Variants in ZBTB49 observed in about 807,000 individuals in gnomAD.
ZBTB49 encodes the protein zinc finger and BTB domain containing 49, also known as zinc finger and BTB domain-containing protein 49.
In ZBTB49, 43 loss-of-function variants were observed where a neutral mutation model predicts 57.5. The ratio of observed to expected loss-of-function variants is 0.75; its 90% confidence interval spans 0.59 to 0.97. The LOEUF (loss-of-function observed/expected upper bound fraction) is 0.97. Among genes scored for constraint, ZBTB49 ranks in the 50% least tolerant of loss-of-function variants. The pLI is 0.00. For synonymous variants in ZBTB49, 369 were observed against 362.1 expected (o/e 1.02, Z -0.22); for missense variants, 938 against 947.7 (o/e 0.99, Z 0.13).
At chr4:4,303,745 T>C in intron 3 of ZBTB49, among the ~76,000 whole-genome samples, 1 of 48,100 alleles carries the variant, frequency 2.1e-5, no homozygotes, top group East Asian at 4.1e-4. Context: ...TCTCTCTCTC[T>C]CTCTCTCTCT....
chr4:4,314,037 C>G (rs991730359), intron 5 of ZBTB49, among the ~76,000 whole-genome samples: 2 of 152,198 alleles, frequency 1.3e-5, no homozygotes, highest in Non-Finnish European at 2.9e-5. Flanking sequence ...AAGTCAGTGT[C>G]CTCATATTCA....
rs556477555 is a variant in ZBTB49 at position 4,290,594 on chromosome 4, C to T, written c.-20+242C>T. ...AGACCCAGACGGCCAGGTTCCGGGCCTGGGAGCCGGGCCTTCTCCCTGGTG... is the reference window on the plus strand; with the variant it reads ...AGACCCAGACGGCCAGGTTCCGGGCTTGGGAGCCGGGCCTTCTCCCTGGTG... On this transcript the variant is annotated intron_variant, in intron 1 of 7. Coordinates refer to ENST00000337872, the MANE Select transcript of ZBTB49 (RefSeq NM_145291.4). 4.6e-5 allele frequency among the ~76,000 whole-genome samples: 7 copies of T among 152,342 alleles called. No homozygotes were observed. In the South Asian group the frequency reaches 8.3e-4, roughly 18 times the overall value.
chr4:4,303,432 T>C (rs1720592856), intron 3 of ZBTB49, among the ~76,000 whole-genome samples: 1 of 152,190 alleles, frequency 6.6e-6, no homozygotes, highest in South Asian at 2.1e-4. Context: ...ATAAGCTATA[T>C]TTAGTTGTCT....
In ZBTB49 at chr4:4,321,336, G is replaced by A. The variant is rs763869948; in HGVS notation, c.*20G>A. ...CAGTGATGTACCGCGCTTCTCCACG[G>A]TAGAGGCGTGTTCTCAGTTTAGCAG... On this transcript the variant is annotated 3_prime_UTR_variant, in exon 8 of 8. Coordinates refer to ENST00000337872, the MANE Select transcript of ZBTB49 (RefSeq NM_145291.4). The A allele has an allele frequency of 1.2e-5, 19 of 1,602,148 alleles. No individual in the cohort carries two copies. Among genetic ancestry groups the A allele is most frequent in the South Asian group, 6.6e-5 (6 of 90,738 alleles).
intron 1 of ZBTB49, among the ~76,000 whole-genome samples, chr4:4,293,481 C>T (rs1335802258): frequency 6.6e-6 from 1 of 152,212 alleles, no homozygotes; most frequent in Non-Finnish European, 1.5e-5. Flanking sequence ...CTCTGAATCC[C>T]ACCTCTGTCC....
intron 1 of ZBTB49, among the ~76,000 whole-genome samples, chr4:4,297,368 C>A (rs1332347584): frequency 6.6e-6 from 1 of 152,204 alleles, no homozygotes; most frequent in Admixed American, 6.5e-5. Context: ...CTGCGCCCGA[C>A]TGGGTTCAGC....
In ZBTB49 at chr4:4,320,772, A is replaced by T; in HGVS notation, c.1754A>T (p.His585Leu). 6.2e-7 allele frequency: 1 copy of T among 1,614,224 alleles called. No homozygotes were observed. Among genetic ancestry groups the T allele is most frequent in the Non-Finnish European group, 8.5e-7 (1 of 1,180,038 alleles). ...SAVLRRHKKM[H>L]CKAGDESPDV... is the part of the protein sequence containing the mutation. ...GTGCTCCGGCGGCACAAGAAGATGC[A>T]CTGCAAAGCTGGTGACGAGAGCCCA... Residue 585 changes from histidine to leucine, a missense_variant, in exon 8 of 8, where the codon CAC becomes CTC. Physicochemically the swap from His to Leu is moderately conservative, Grantham distance 99. Around this residue, in one of 3 missense-constraint regions of ZBTB49, gnomAD observed 835 missense variants for 819.1 expected, o/e 1.02. Transcript: ENST00000337872.
chr4:4,295,094 A>C (rs1720129873), intron 1 of ZBTB49, among the ~76,000 whole-genome samples: 1 of 152,114 alleles, frequency 6.6e-6, no homozygotes, highest in African/African-American at 2.4e-5. Context: ...GGGTTCTTAG[A>C]GACTTGCTTC....
chr4:4,304,087 G>A (rs10027502), intron 3 of ZBTB49, among the ~76,000 whole-genome samples: 37,842 of 151,928 alleles, frequency 0.25, 5,234 homozygotes, highest in Admixed American at 0.32. Flanking sequence ...TAGTGCATTT[G>A]AATATAAAGT....
In ZBTB49 at chr4:4,321,002, C is replaced by T. The variant is rs765691079; in HGVS notation, c.1984C>T (p.His662Tyr). ...YCKLRSMIQPHGVSDQEKLSL... is the reference protein window; with the variant it reads ...YCKLRSMIQPYGVSDQEKLSL... ...TAAGTTACGGTCCATGATCCAACCT[C>T]ATGGAGTTAGTGACCAGGAGAAGCT... Residue 662 changes from histidine (H) to tyrosine (Y), a missense_variant, in exon 8 of 8, where the codon CAT becomes TAT. Physicochemically the swap from His to Tyr is moderately conservative, Grantham distance 83. Coordinates refer to ENST00000337872, the MANE Select transcript of ZBTB49 (RefSeq NM_145291.4). The T allele has an allele frequency of 6.2e-7, 1 of 1,614,160 alleles. No individual in the cohort carries two copies. The highest frequency in any genetic ancestry group is 2.2e-5 in the East Asian group (1 of 44,870).
chr4:4,307,360 C>T (rs1720783700), intron 4 of ZBTB49, among the ~76,000 whole-genome samples: 1 of 152,210 alleles, frequency 6.6e-6, no homozygotes, highest in African/African-American at 2.4e-5. Flanking sequence ...GCCAGCCTGG[C>T]CTGGGGTTCA....
At chr4:4,296,627 G>C (rs1363848335) in intron 1 of ZBTB49, among the ~76,000 whole-genome samples, 1 of 152,176 alleles carries the variant, frequency 6.6e-6, no homozygotes, top group Admixed American at 6.5e-5. Flanking sequence ...CCAGTCTTGG[G>C]TATGTCCTTA....
chr4:4,291,893 G>A (rs1290636209), intron 1 of ZBTB49, among the ~76,000 whole-genome samples: 1 of 152,224 alleles, frequency 6.6e-6, no homozygotes, highest in Non-Finnish European at 1.5e-5. Context: ...CGCTTTGGGA[G>A]GCCGAGGCAG....
At position 4,321,289 on chromosome 4, in the gene ZBTB49, G is replaced by A; in HGVS notation, c.2271G>A (p.Leu757=). The part of the protein sequence containing the change: ...MTLWGLAMKT[L]QNENELDQ ...TCTGGGGGCTAGCGATGAAGACGCT[G>A]CAGAATGAAAACGAGTTAGACCAGT... is the stretch of plus-strand genomic sequence containing the variant. Residue 757 remains leucine, a synonymous_variant, in exon 8 of 8, where the codon CTG becomes CTA. Transcript: ENST00000337872. 1 of 1,612,802 alleles carries A rather than the reference G, an allele frequency of 6.2e-7. No homozygotes were observed. Among genetic ancestry groups the A allele is most frequent in the Non-Finnish European group, 8.5e-7 (1 of 1,180,016 alleles).
Position 4,302,943 on chromosome 4 carries a change from C to T in ZBTB49, c.1107C>T (p.Cys369=). The T allele has an allele frequency of 6.2e-7, 1 of 1,614,178 alleles. No individual in the cohort carries two copies. The highest frequency in any genetic ancestry group is 8.5e-7 in the Non-Finnish European group (1 of 1,180,036). ...EEVVSCENFN[C]ISETERPEDP... is the part of the protein sequence containing the mutation. Reference sequence around the variant, plus strand: ...TCGTCAGTTGTGAGAATTTTAATTGCATTAGTGAGACGGAGAGGCCTGAAG... The same window carrying T: ...TCGTCAGTTGTGAGAATTTTAATTGTATTAGTGAGACGGAGAGGCCTGAAG... The change falls in exon 3 of 8, where the codon TGC becomes TGT. Residue 369 remains cysteine, a synonymous_variant. Coordinates refer to ENST00000337872, the MANE Select transcript of ZBTB49 (RefSeq NM_145291.4).
At chr4:4,307,682 C>T (rs561794732) in intron 4 of ZBTB49, among the ~76,000 whole-genome samples, 7 of 152,094 alleles carry the variant, frequency 4.6e-5, no homozygotes, top group Non-Finnish European at 8.8e-5. Flanking sequence ...GAGGCACCTC[C>T]CCGCCCCCAC....
intron 3 of ZBTB49, among the ~76,000 whole-genome samples, chr4:4,304,432 C>T (rs1012208095): frequency 6.6e-6 from 1 of 151,954 alleles, no homozygotes; most frequent in East Asian, 1.9e-4. Context: ...TGGTCAGGCT[C>T]ATCTTGAACT....
chr4:4,306,392 C>T (rs1427139000), intron 4 of ZBTB49, among the ~76,000 whole-genome samples: 1 of 152,176 alleles, frequency 6.6e-6, no homozygotes, highest in Non-Finnish European at 1.5e-5. Context: ...TGTGTGAATT[C>T]TTACAATACT....
intron 7 of ZBTB49, among the ~76,000 whole-genome samples, chr4:4,319,533 A>G (rs893988701): frequency 1.1e-4 from 17 of 152,202 alleles, no homozygotes; most frequent in Admixed American, 1.0e-3. Context: ...TAAAAGCTGA[A>G]TACAGGGCCA....
Sources: gnomAD v4.1 joint callset for allele counts (sites outside exome capture counted in the v4.1 genomes callset) on GRCh38, gnomAD v4.1.1 for gene constraint, gnomAD v4.1.1 regional missense constraint, MANE v1.5 for transcripts, NCBI Gene and HGNC (gene_info 2026-07-23, HGNC 2026-07-21) for gene names.